GOLM2: variants seen among roughly 807,000 people sequenced by gnomAD.
GOLM2 encodes the protein protein GOLM2.
Under a neutral mutation model 55.9 loss-of-function variants are expected in GOLM2, and 26 were observed. The observed-to-expected ratio is 0.47, with a 90% CI of 0.34 to 0.65. The LOEUF (loss-of-function observed/expected upper bound fraction) is 0.65, where lower values mean the gene tolerates loss of function less well. GOLM2 is among the 30% of genes least tolerant of loss of function. GOLM2 has a pLI of 0.01. For synonymous variants in GOLM2, 165 were observed against 194.6 expected (o/e 0.85, Z 1.27); for missense variants, 486 against 531.8 (o/e 0.91, Z 0.85).
At chr15:44,390,700 A>G (rs7183109) in intron 8 of GOLM2, among the ~76,000 whole-genome samples, 14,962 of 151,718 alleles carry the variant, frequency 0.099, 1,573 homozygotes, top group African/African-American at 0.25. Flanking sequence ...CTCCCAAGTA[A>G]CTGGGATTAC....
At chr15:44,311,599 CA>C (rs367801370) in intron 1 of GOLM2, among the ~76,000 whole-genome samples, 5 of 152,070 alleles carry the variant, frequency 3.3e-5, no homozygotes, top group African/African-American at 1.2e-4. Flanking sequence ...AATGAACTAT[CA>C]AAAGTCTTGA....
chr15:44,389,102 C>A (rs555456452), intron 8 of GOLM2, among the ~76,000 whole-genome samples: 1 of 152,258 alleles, frequency 6.6e-6, no homozygotes, highest in African/African-American at 2.4e-5. Flanking sequence ...CAGGCGTGAG[C>A]CACCACGTCC....
intron 6 of GOLM2, among the ~76,000 whole-genome samples, chr15:44,358,614 G>A (rs1205648637): frequency 2.0e-5 from 3 of 152,054 alleles, no homozygotes; most frequent in Non-Finnish European, 4.4e-5. Flanking sequence ...CAATGGGGTA[G>A]ACAGTATTTT....
intron 9 of GOLM2, chr15:44,409,871 G>T (rs1185666668): frequency 6.7e-6 from 1 of 149,774 alleles, no homozygotes. Flanking sequence ...AGCCGAATTC[G>T]TGCCACTGCA....
At chr15:44,333,513 G>A (rs1421550183) in intron 4 of GOLM2, among the ~76,000 whole-genome samples, 1 of 152,160 alleles carries the variant, frequency 6.6e-6, no homozygotes. Context: ...TTGAAGAGGT[G>A]TTTAAGGATG....
At chr15:44,333,018 C>G (rs569515517) in intron 4 of GOLM2, among the ~76,000 whole-genome samples, 1 of 152,112 alleles carries the variant, frequency 6.6e-6, no homozygotes, top group African/African-American at 2.4e-5. Flanking sequence ...CTGCCAGCCC[C>G]GCCTCCTGGG....
At chr15:44,332,840 T>C (rs956713875) in intron 4 of GOLM2, among the ~76,000 whole-genome samples, 1 of 152,306 alleles carries the variant, frequency 6.6e-6, no homozygotes, top group South Asian at 2.1e-4. Context: ...GGGCAAATTC[T>C]TTTATTAATT....
intron 3 of GOLM2, 42 bp from the exon 4 acceptor site, chr15:44,331,946 A>G (rs780775371): frequency 5.1e-6 from 7 of 1,370,726 alleles, no homozygotes; most frequent in Non-Finnish European, 7.3e-6. Flanking sequence ...TGAGAATCCA[A>G]TCCAAGATAA....
intron 8 of GOLM2, among the ~76,000 whole-genome samples, chr15:44,393,966 TAC>T (rs2079508271): frequency 6.6e-6 from 1 of 152,204 alleles, no homozygotes; most frequent in Non-Finnish European, 1.5e-5. Context: ...GTGCTAGGAT[TAC>T]AGGCATGAGC....
chr15:44,315,649 A>G (rs760899517), intron 1 of GOLM2, among the ~76,000 whole-genome samples: 4 of 152,212 alleles, frequency 2.6e-5, no homozygotes, highest in Non-Finnish European at 5.9e-5. Flanking sequence ...ACAAATAAAG[A>G]GCATAAACAA....
intron 4 of GOLM2, among the ~76,000 whole-genome samples, chr15:44,334,429 C>A (rs1190388278): frequency 1.3e-5 from 2 of 152,060 alleles, no homozygotes; most frequent in Admixed American, 1.3e-4. Flanking sequence ...AATTAACCAG[C>A]CACATGTCTA....
chr15:44,326,309 T>C (rs894369814), intron 2 of GOLM2, among the ~76,000 whole-genome samples: 1 of 151,482 alleles, frequency 6.6e-6, no homozygotes, highest in Non-Finnish European at 1.5e-5. Flanking sequence ...GGCTTGAATA[T>C]GCAAAGATAA....
intron 1 of GOLM2, among the ~76,000 whole-genome samples, chr15:44,310,452 C>A (rs1427909395): frequency 1.5e-5 from 2 of 137,256 alleles, no homozygotes; most frequent in African/African-American, 2.9e-5. Flanking sequence ...CTCTCTCTCT[C>A]TCTATATATA....
intron 9 of GOLM2, among the ~76,000 whole-genome samples, chr15:44,409,127 A>G (rs1197516190): frequency 1.3e-5 from 2 of 151,532 alleles, no homozygotes; most frequent in South Asian, 2.1e-4. Context: ...TACTAAAAAT[A>G]CAAAAAATTA....
chr15:44,349,356 A>G (rs1406331508), intron 6 of GOLM2, among the ~76,000 whole-genome samples: 1 of 152,098 alleles, frequency 6.6e-6, no homozygotes, highest in Non-Finnish European at 1.5e-5. Context: ...AGAAGTAGCT[A>G]TGCTTAAACA....
intron 6 of GOLM2, among the ~76,000 whole-genome samples, chr15:44,340,032 A>G (rs960287557): frequency 2.0e-5 from 3 of 151,876 alleles, no homozygotes; most frequent in African/African-American, 7.3e-5. Flanking sequence ...GTGTTGCCCA[A>G]GCTGGTCTCG....
chr15:44,303,588 C>T (rs937045335), intron 1 of GOLM2, among the ~76,000 whole-genome samples: 5 of 151,934 alleles, frequency 3.3e-5, no homozygotes, highest in African/African-American at 1.2e-4. Flanking sequence ...TTTTTGGTGA[C>T]AGGGTCTCAT....
intron 1 of GOLM2, among the ~76,000 whole-genome samples, chr15:44,291,066 G>C (rs959374066): frequency 6.7e-6 from 1 of 150,038 alleles, no homozygotes; most frequent in Non-Finnish European, 1.5e-5. Flanking sequence ...GCCTCCCAAA[G>C]TGCTGGGATT....
intron 6 of GOLM2, among the ~76,000 whole-genome samples, chr15:44,346,362 A>G (rs1480522180): frequency 2.0e-5 from 3 of 151,946 alleles, no homozygotes; most frequent in Non-Finnish European, 2.9e-5. Context: ...AGATTTTGTT[A>G]TATTTGTTCT....
Sources: gnomAD v4.1 joint callset for allele counts (sites outside exome capture counted in the v4.1 genomes callset) on GRCh38, gnomAD v4.1.1 for gene constraint, MANE v1.5 for transcripts, NCBI Gene and HGNC (gene_info 2026-07-23, HGNC 2026-07-21) for gene names.